Variants in DST observed in about 807,000 individuals in gnomAD.
DST encodes the protein bullous pemphigoid antigen.
A neutral mutation model predicts 875.2 loss-of-function variants in DST; 253 were observed. The ratio of observed to expected loss-of-function variants is 0.29; its 90% CI spans 0.26 to 0.32. The LOEUF (loss-of-function observed/expected upper bound fraction) is 0.32. Among genes scored for constraint, DST ranks in the 10% least tolerant of loss-of-function variants. DST has a pLI of 1.00. For synonymous variants in DST, 3,124 were observed against 3,197.1 expected (o/e 0.98, Z 0.77); for missense variants, 8,287 against 9,111.6 (o/e 0.91, Z 3.68).
At chr6:56,816,694 A>G (rs375206014) in intron 4 of DST, among the ~76,000 whole-genome samples, 1 of 152,334 alleles carries the variant, frequency 6.6e-6, no homozygotes, top group African/African-American at 2.4e-5. Flanking sequence ...AGTAGTTAGC[A>G]GGAGACACTC....
chr6:56,499,284 C>A (rs1413569066), intron 80 of DST, among the ~76,000 whole-genome samples: 1 of 152,094 alleles, frequency 6.6e-6, no homozygotes, highest in Non-Finnish European at 1.5e-5. Context: ...CCTCTGACAT[C>A]ACTGTTTCTC....
chr6:56,910,536 G>T (rs1356071837), intron 2 of DST, among the ~76,000 whole-genome samples: 1 of 151,932 alleles, frequency 6.6e-6, no homozygotes, highest in African/African-American at 2.4e-5. Context: ...CCAGGCTGGA[G>T]TACAGTGGCA....
intron 3 of DST, among the ~76,000 whole-genome samples, chr6:56,879,486 T>C (rs1005687828): frequency 6.8e-6 from 1 of 148,048 alleles, no homozygotes; most frequent in South Asian, 2.1e-4. Flanking sequence ...AAAAAAAAAA[T>C]AGTTCCAAGT....
chr6:56,766,679 C>T (rs1030803373), intron 4 of DST, among the ~76,000 whole-genome samples: 1 of 152,068 alleles, frequency 6.6e-6, no homozygotes, highest in African/African-American at 2.4e-5. Flanking sequence ...TACAGGCACG[C>T]GCCACCATGC....
chr6:56,494,569 T>G (rs2095850151), intron 82 of DST, among the ~76,000 whole-genome samples: 1 of 152,092 alleles, frequency 6.6e-6, no homozygotes, highest in Non-Finnish European at 1.5e-5. Flanking sequence ...GATCCCTCCT[T>G]GTACTATGAT....
rs1312055155 is a variant in DST at position 56,530,022 on chromosome 6, G to A, written c.17220C>T (p.Pro5740=). The part of the protein sequence containing the change: ...TIEKRLVNCE[P]IGTQASKLEE... ...CAAGTTTAGATGCTTGGGTTCCTAT[G>A]GGTTCACAATTCACCAGCCTCTTTT... Residue 5740 remains proline, a synonymous_variant, in exon 65 of 104, where the codon CCC becomes CCT. Coordinates refer to ENST00000680361, the MANE Select transcript of DST (RefSeq NM_001374736.1). The A allele has an allele frequency of 3.6e-5, 58 of 1,613,112 alleles. No homozygotes were observed. The highest frequency in any genetic ancestry group is 4.5e-5 in the Non-Finnish European group (53 of 1,179,632).
At chr6:56,819,617 A>C (rs867032101) in intron 4 of DST, among the ~76,000 whole-genome samples, 1 of 152,232 alleles carries the variant, frequency 6.6e-6, no homozygotes, top group South Asian at 2.1e-4. Context: ...TCAATTATTT[A>C]AAGGCAACAT....
At chr6:56,732,794 A>C (rs1230530412) in intron 5 of DST, among the ~76,000 whole-genome samples, 2 of 152,200 alleles carry the variant, frequency 1.3e-5, no homozygotes, top group Non-Finnish European at 2.9e-5. Context: ...CCCCACATCC[A>C]AGGGGAACCT....
At chr6:56,765,950 G>A (rs1475782235) in intron 4 of DST, among the ~76,000 whole-genome samples, 5 of 152,200 alleles carry the variant, frequency 3.3e-5, no homozygotes, top group Non-Finnish European at 7.3e-5. Context: ...GGTTCATTGT[G>A]TTTACTTGAA....
At chr6:56,495,914 C>T (rs1462776942) in intron 82 of DST, among the ~76,000 whole-genome samples, 1 of 151,996 alleles carries the variant, frequency 6.6e-6, no homozygotes. Flanking sequence ...TGGTTACGCC[C>T]TCCTCAAATC....
chr6:56,788,709 T>C (rs2099710076), intron 4 of DST, among the ~76,000 whole-genome samples: 3 of 152,234 alleles, frequency 2.0e-5, no homozygotes, highest in African/African-American at 7.2e-5. Context: ...AATGTCAAGA[T>C]ACATTTCTGC....
intron 9 of DST, among the ~76,000 whole-genome samples, chr6:56,671,390 A>G (rs1002190377): frequency 3.9e-5 from 6 of 152,236 alleles, no homozygotes; most frequent in Non-Finnish European, 5.9e-5. Flanking sequence ...GTAAAGAACA[A>G]TGAAAGAAAT....
intron 4 of DST, among the ~76,000 whole-genome samples, chr6:56,781,027 G>T (rs183713907): frequency 3.9e-5 from 6 of 152,006 alleles, no homozygotes; most frequent in Non-Finnish European, 7.4e-5. Flanking sequence ...TCAAAGATCA[G>T]ATAGTTGTAG....
chr6:56,896,650 A>G (rs1433742007), intron 3 of DST, among the ~76,000 whole-genome samples: 5 of 152,222 alleles, frequency 3.3e-5, no homozygotes, highest in South Asian at 2.1e-4. Flanking sequence ...GATTATGGCC[A>G]TTCTTGCAGG....
intron 89 of DST, 32 bp from the exon 90 acceptor site, chr6:56,482,210 A>G: frequency 6.4e-7 from 1 of 1,573,300 alleles, no homozygotes; most frequent in East Asian, 2.2e-5. Flanking sequence ...CACCCCAAAC[A>G]AAATTCCCAA....
chr6:56,822,501 T>G (rs1591179565), intron 4 of DST, among the ~76,000 whole-genome samples: 1 of 152,202 alleles, frequency 6.6e-6, no homozygotes, highest in Non-Finnish European at 1.5e-5. Flanking sequence ...AGGGGTTGCA[T>G]TCTTACCTGA....
At chr6:56,681,523 G>A (rs917822937) in intron 9 of DST, among the ~76,000 whole-genome samples, 2 of 152,092 alleles carry the variant, frequency 1.3e-5, no homozygotes, top group Non-Finnish European at 2.9e-5. Context: ...CTGCCTCAGG[G>A]GTCTGTGTAA....
chr6:56,530,605 C>T (rs1347594765), intron 64 of DST, among the ~76,000 whole-genome samples: 1 of 152,158 alleles, frequency 6.6e-6, no homozygotes, highest in Non-Finnish European at 1.5e-5. Context: ...TAGCTTCTTC[C>T]TCCTCTCCTT....
chr6:56,569,979 C>T lies in DST; in HGVS notation c.13755G>A (p.Leu4585=). ...ATTTAACAAGAACTTGGAAAGCATC[C>T]AACTGTTCTTGACAAGAAGTTACAG... ...KEAVTSCQEQ[L]DAFQVLVKSL... Residue 4585 remains leucine (L), a synonymous_variant, in exon 54 of 104, where the codon TTG becomes TTA. Coordinates refer to ENST00000680361, the MANE Select transcript of DST (RefSeq NM_001374736.1). The T allele has an allele frequency of 1.9e-6, 3 of 1,602,802 alleles. No individual in the cohort carries two copies. Among genetic ancestry groups the T allele is most frequent in the Non-Finnish European group, 2.5e-6 (3 of 1,176,948 alleles).
Sources: allele counts gnomAD v4.1 joint callset (sites outside exome capture counted in the v4.1 genomes callset), GRCh38; gene constraint gnomAD v4.1.1; transcripts MANE v1.5; gene names NCBI Gene and HGNC (gene_info 2026-07-23, HGNC 2026-07-21).